The following CECR2 variants were observed in gnomAD, a reference collection of about 807,000 sequenced individuals.
CECR2 encodes the protein CECR2 histone acetyl-lysine reader.
In CECR2, 30 loss-of-function variants were observed where a neutral mutation model predicts 154.5. The ratio of observed to expected loss-of-function variants is 0.19; its 90% CI spans 0.15 to 0.26. The LOEUF (loss-of-function observed/expected upper bound fraction) is 0.26. CECR2 is among the 10% of genes least tolerant of loss of function. The probability of loss-of-function intolerance (pLI) is 1.00; values close to 1 mark genes in which losing one functional copy is unlikely to be tolerated. For missense variants in CECR2, 1,743 were observed against 1,829.3 expected, an observed-to-expected ratio of 0.95 and a Z score of 0.86; for synonymous variants, 725 against 683.7, an observed-to-expected ratio of 1.06 and a Z score of -0.94.
At chr22:17,422,884 C>T (rs532282972) in intron 1 of CECR2, among the ~76,000 whole-genome samples, 2 of 152,240 alleles carry the variant, frequency 1.3e-5, no homozygotes, top group African/African-American at 4.8e-5. Context: ...TCCTATCTCC[C>T]TGCTCATGCT....
At chr22:17,538,915 A>G in intron 12 of CECR2, 78 bp from the exon 13 acceptor site, 2 of 1,509,020 alleles carry the variant, frequency 1.3e-6, no homozygotes, top group Non-Finnish European at 1.8e-6. Flanking sequence ...AATTCTCATT[A>G]TCTCTCTGTC....
At chr22:17,533,336 A>T (rs2056388251) in intron 9 of CECR2, among the ~76,000 whole-genome samples, 1 of 151,128 alleles carries the variant, frequency 6.6e-6, no homozygotes, top group South Asian at 2.1e-4. Flanking sequence ...AAAAAAAAAA[A>T]AAAATTATGA....
intron 8 of CECR2, among the ~76,000 whole-genome samples, chr22:17,517,080 T>G (rs2056070985): frequency 1.3e-5 from 2 of 151,828 alleles, no homozygotes; most frequent in Admixed American, 1.3e-4. Flanking sequence ...GGTTTCACCA[T>G]CTTGGCCAGG....
chr22:17,390,321 G>A (rs1033917732), intron 1 of CECR2, among the ~76,000 whole-genome samples: 3 of 152,192 alleles, frequency 2.0e-5, no homozygotes, highest in Admixed American at 6.5e-5. Context: ...GAAGAGGGCC[G>A]TGCCCTTGGT....
chr22:17,374,459 G>A (rs1260448029), intron 1 of CECR2, among the ~76,000 whole-genome samples: 2 of 152,328 alleles, frequency 1.3e-5, no homozygotes, highest in African/African-American at 4.8e-5. Flanking sequence ...TGGCACCAGG[G>A]TAGGAGACTT....
intron 2 of CECR2, among the ~76,000 whole-genome samples, chr22:17,492,206 A>G (rs1373890591): frequency 6.6e-6 from 1 of 152,218 alleles, no homozygotes; most frequent in Admixed American, 6.5e-5. Context: ...TTGATTTTTC[A>G]TCTTATCTCC....
At chr22:17,460,539 G>A (rs1414771465) in intron 1 of CECR2, among the ~76,000 whole-genome samples, 1 of 152,182 alleles carries the variant, frequency 6.6e-6, no homozygotes, top group Non-Finnish European at 1.5e-5. Flanking sequence ...GGGATTGAAG[G>A]TTATTCACAT....
chr22:17,461,559 C>G lies in CECR2; in HGVS notation c.127-16029C>G, dbSNP rs9618028. Among the ~76,000 whole-genome samples, 1,164 of 152,268 alleles carry G rather than the reference C, an allele frequency of 7.6e-3. 12 individuals carry two copies. The highest frequency in any genetic ancestry group is 0.026 in the African/African-American group (1,093 of 41,542). On this transcript the variant is annotated intron_variant, in intron 1 of 18. Coordinates refer to ENST00000262608, the MANE Select transcript of CECR2 (RefSeq NM_001290047.2). Reference sequence around the variant, plus strand: ...TCCTGGCGAGGAGTTTGATGGCTTTCGTTATCAGTAGACCAATTTATCCAG... The same window carrying G: ...TCCTGGCGAGGAGTTTGATGGCTTTGGTTATCAGTAGACCAATTTATCCAG...
At chr22:17,404,442 C>G (rs1256054609) in intron 1 of CECR2, among the ~76,000 whole-genome samples, 1 of 96,620 alleles carries the variant, frequency 1.0e-5, no homozygotes, top group Non-Finnish European at 1.9e-5. Flanking sequence ...GGCGGGATCT[C>G]GGCTCACTGC....
intron 1 of CECR2, among the ~76,000 whole-genome samples, chr22:17,381,747 C>T (rs1381584880): frequency 9.2e-5 from 14 of 151,854 alleles, no homozygotes; most frequent in Non-Finnish European, 7.4e-5. Flanking sequence ...GCCCAGTGAG[C>T]GATAGGGAAT....
At chr22:17,509,427 C>CTTTTT (rs11389089) in intron 7 of CECR2, among the ~76,000 whole-genome samples, 1 of 141,052 alleles carries the variant, frequency 7.1e-6, no homozygotes, top group Non-Finnish European at 1.5e-5. Flanking sequence ...TGTTTCTTTT[C>CTTTTT]TTTTTTTTTT....
intron 10 of CECR2, among the ~76,000 whole-genome samples, chr22:17,537,719 G>C (rs1017841968): frequency 6.6e-6 from 1 of 152,096 alleles, no homozygotes; most frequent in African/African-American, 2.4e-5. Flanking sequence ...ATGTGCTATA[G>C]GCCGGGCTCA....
At chr22:17,430,480 A>AT (rs886315223) in intron 1 of CECR2, among the ~76,000 whole-genome samples, 11 of 151,994 alleles carry the variant, frequency 7.2e-5, no homozygotes, top group African/African-American at 2.7e-4. Flanking sequence ...ATCACACTCA[A>AT]TTATCTCTAA....
chr22:17,542,254 C>T lies in CECR2; in HGVS notation c.2111C>T (p.Pro704Leu), dbSNP rs749506545. Reference protein sequence around the residue: ...GGLTHLSNMGPHPGSLQLGQI... With the variant: ...GGLTHLSNMGLHPGSLQLGQI... Reference sequence around the variant, plus strand: ...CTGACACACCTTTCTAACATGGGCCCACACCCTGGATCCTTGCAGCTTGGG... The same window carrying T: ...CTGACACACCTTTCTAACATGGGCCTACACCCTGGATCCTTGCAGCTTGGG... The change falls in exon 16 of 19, where the codon CCA becomes CTA. Residue 704 changes from proline (P) to leucine (L), a missense_variant. Pro to Leu is a moderately conservative substitution (Grantham distance 98). Coordinates refer to ENST00000262608, the MANE Select transcript of CECR2 (RefSeq NM_001290047.2). 6.2e-7 allele frequency: 1 copy of T among 1,610,998 alleles called. No individual in the cohort carries two copies. Among genetic ancestry groups the T allele is most frequent in the South Asian group, 1.1e-5 (1 of 90,538 alleles).
intron 8 of CECR2, among the ~76,000 whole-genome samples, chr22:17,513,468 A>ATTAGAATG (rs2055997036): frequency 6.6e-6 from 1 of 152,216 alleles, no homozygotes; most frequent in African/African-American, 2.4e-5. Context: ...AACTAAACAC[A>ATTAGAATG]TTCTACCTTG....
rs34165377 is a variant in CECR2 at position 17,482,761 on chromosome 22, CTT to C, written c.221+5096_221+5097del. The stretch of plus-strand genomic sequence containing the variant: ...TGTTGGCCATGATGGTTTTGAACTC[CTT>C]TTTTTTTTTTTTTTTTGAGACGGTG... On this transcript the variant is annotated intron_variant, in intron 2 of 18. Transcript: ENST00000262608. 1.1e-3 allele frequency among the ~76,000 whole-genome samples: 140 copies of C among 125,260 alleles called. 1 individual carries two copies. Among genetic ancestry groups the C allele is most frequent in the Admixed American group, 1.7e-3 (21 of 12,526 alleles). The allele number at this position is 125,260 out of a possible 152,430, so 82.2% of individuals were successfully genotyped here. A position where few individuals can be genotyped will look rare whatever the true frequency, so the allele number is the denominator to read the frequency against.
chr22:17,532,075 TAGG>T (rs2033696088), intron 9 of CECR2, among the ~76,000 whole-genome samples: 1 of 151,726 alleles, frequency 6.6e-6, no homozygotes, highest in Non-Finnish European at 1.5e-5. Flanking sequence ...GAGGCTGAGG[TAGG>T]AGGATCACTT....
At chr22:17,376,661 T>C (rs28720104) in intron 1 of CECR2, among the ~76,000 whole-genome samples, 14,318 of 150,520 alleles carry the variant, frequency 0.095, 920 homozygotes, top group African/African-American at 0.18. Flanking sequence ...TTTTTTGAGA[T>C]GGAGTCTTGC....
chr22:17,519,294 T>G (rs79724221), intron 8 of CECR2, among the ~76,000 whole-genome samples: 12 of 99,184 alleles, frequency 1.2e-4, no homozygotes, highest in African/African-American at 4.5e-4. Context: ...TGTTTTGTGT[T>G]TTTTTTTTTT....
Sources: allele counts gnomAD v4.1 joint callset (sites outside exome capture counted in the v4.1 genomes callset), GRCh38; gene constraint gnomAD v4.1.1; transcripts MANE v1.5; gene names NCBI Gene and HGNC (gene_info 2026-07-23, HGNC 2026-07-21).